The following NLGN4Y variants were observed in gnomAD, a reference collection of about 807,000 sequenced individuals.
NLGN4Y encodes the protein neuroligin 4 Y-linked.
NLGN4Y carries 4 observed loss-of-function variants against 8.4 expected under a neutral mutation model. The ratio of observed to expected loss-of-function variants is 0.48; its 90% CI spans 0.23 to 1.09. NLGN4Y has a LOEUF of 1.09. NLGN4Y is among the 50% of genes least tolerant of loss of function. NLGN4Y has a pLI of 0.19. For missense variants in NLGN4Y, 90 were observed against 192.3 expected, an observed-to-expected ratio of 0.47 and a Z score of 3.15; for synonymous variants, 35 against 75.6, an observed-to-expected ratio of 0.46 and a Z score of 2.78.
At chrY:14,564,383 A>T in intron 1 of NLGN4Y, among the ~76,000 whole-genome samples, 2 of 33,438 alleles carry the variant, frequency 6.0e-5, no homozygotes, top group South Asian at 6.7e-4. Context: ...CTAGCTTGAA[A>T]TTCTTGCTGC....
At chrY:14,777,366 C>A in intron 4 of NLGN4Y, among the ~76,000 whole-genome samples, 3 of 33,207 alleles carry the variant, frequency 9.0e-5, no homozygotes, top group Non-Finnish European at 1.5e-4. Flanking sequence ...TTTGCTTAAA[C>A]CTTGAGGTGT....
intron 2 of NLGN4Y, among the ~76,000 whole-genome samples, chrY:14,704,941 G>T: frequency 6.0e-5 from 2 of 33,279 alleles, no homozygotes; most frequent in Non-Finnish European, 1.5e-4. Flanking sequence ...TTTCTAGTTT[G>T]TTTGTGTAGA....
chrY:14,811,463 C>T (rs2043079810), intron 4 of NLGN4Y, among the ~76,000 whole-genome samples: 3 of 33,236 alleles, frequency 9.0e-5, no homozygotes, highest in Non-Finnish European at 1.5e-4. Flanking sequence ...TGTATGTATG[C>T]GCCAGCTACA....
chrY:14,745,672 G>T, intron 4 of NLGN4Y, among the ~76,000 whole-genome samples: 1 of 33,280 alleles, frequency 3.0e-5, no homozygotes, highest in Admixed American at 2.8e-4. Context: ...GGTAAAAATA[G>T]CATGAAAAGA....
chrY:14,639,964 C>T, intron 2 of NLGN4Y: 1 of 121,927 alleles, frequency 8.2e-6, no homozygotes, highest in South Asian at 4.1e-5. Flanking sequence ...TGGGCACAAC[C>T]GGAGCATGCC....
intron 1 of NLGN4Y, among the ~76,000 whole-genome samples, chrY:14,587,734 G>T (rs2080346238): frequency 3.1e-5 from 1 of 32,714 alleles, no homozygotes; most frequent in Non-Finnish European, 7.5e-5. Context: ...GTGACAATGT[G>T]GATGTTCCTT....
At position 14,697,507 on chromosome Y, in the gene NLGN4Y, T is replaced by C. The variant is rs559627738; in HGVS notation, c.473-21952T>C. 7.0e-4 allele frequency among the ~76,000 whole-genome samples: 20 copies of C among 28,727 alleles called. No individual in the cohort carries two copies. In the South Asian group the frequency reaches 0.016, roughly 23 times the overall value. The allele number at this position is 28,727 out of a possible 37,273, so 77.1% of individuals were successfully genotyped here. ...AGCAGATAGGTGATAGATAGATAGA[T>C]AGATAGATAGATAGATAGATAGATA... On this transcript the variant is annotated intron_variant, in intron 2 of 6. Transcript: ENST00000684976.
At chrY:14,558,085 A>G in intron 1 of NLGN4Y, among the ~76,000 whole-genome samples, 2 of 33,303 alleles carry the variant, frequency 6.0e-5, no homozygotes, top group Non-Finnish European at 1.5e-4. Flanking sequence ...GCTCTTCCCC[A>G]TTCACTACTC....
intron 4 of NLGN4Y, among the ~76,000 whole-genome samples, chrY:14,820,678 T>C: frequency 3.0e-5 from 1 of 32,819 alleles, no homozygotes; most frequent in South Asian, 6.9e-4. Context: ...GGACAGGGAG[T>C]TGTTTTTAGA....
chrY:14,673,266 T>C lies in NLGN4Y; in HGVS notation c.473-46193T>C, dbSNP rs1603502494. Among the ~76,000 whole-genome samples, 4 of 28,184 alleles carry C rather than the reference T, an allele frequency of 1.4e-4. No individual in the cohort carries two copies. In the South Asian group the frequency reaches 3.6e-3, roughly 25 times the overall value. The allele number at this position is 28,184 out of a possible 37,273, so 75.6% of individuals were successfully genotyped here. ...AACCTACAAAATGGGAGAAAATTTT[T>C]GCAACCTACTCATCTGACAAAGGGC... On this transcript the variant is annotated intron_variant, in intron 2 of 6. Transcript: ENST00000684976.
At chrY:14,760,713 G>C (rs2081077219) in intron 4 of NLGN4Y, among the ~76,000 whole-genome samples, 1 of 32,870 alleles carries the variant, frequency 3.0e-5, no homozygotes, top group Non-Finnish European at 7.4e-5. Context: ...GTAAACTATA[G>C]AGTAGTAAAT....
At chrY:14,826,902 G>A (rs2043149413) in intron 5 of NLGN4Y, among the ~76,000 whole-genome samples, 1 of 33,058 alleles carries the variant, frequency 3.0e-5, no homozygotes, top group African/African-American at 1.2e-4. Flanking sequence ...GGCAGAGAGA[G>A]ACCCTGTCTA....
At chrY:14,602,437 C>T in intron 1 of NLGN4Y, among the ~76,000 whole-genome samples, 2 of 33,096 alleles carry the variant, frequency 6.0e-5, no homozygotes, top group African/African-American at 2.4e-4. Context: ...TTCCTGTCTC[C>T]TACCTCGCAG....
At chrY:14,610,541 C>G (rs2080463264) in intron 1 of NLGN4Y, among the ~76,000 whole-genome samples, 1 of 32,937 alleles carries the variant, frequency 3.0e-5, no homozygotes, top group Non-Finnish European at 7.5e-5. Context: ...ATCCTGGGTT[C>G]GAATTTGATT....
At chrY:14,712,824 A>T in intron 2 of NLGN4Y, among the ~76,000 whole-genome samples, 1 of 33,836 alleles carries the variant, frequency 3.0e-5, no homozygotes, top group Admixed American at 2.7e-4. Context: ...GAATGGGCTT[A>T]TGAGCAAATA....
At chrY:14,833,808 C>T (rs2043188113) in intron 6 of NLGN4Y, among the ~76,000 whole-genome samples, 1 of 33,263 alleles carries the variant, frequency 3.0e-5, no homozygotes, top group Admixed American at 2.7e-4. Context: ...AGAAATCACC[C>T]GTCTTCTACA....
chrY:14,739,626 G>A (rs2081000991), intron 4 of NLGN4Y, among the ~76,000 whole-genome samples: 1 of 33,053 alleles, frequency 3.0e-5, no homozygotes, highest in Non-Finnish European at 7.5e-5. Context: ...AAGGACAGGT[G>A]GACACTTGAT....
intron 2 of NLGN4Y, among the ~76,000 whole-genome samples, chrY:14,663,320 G>T: frequency 3.0e-5 from 1 of 33,113 alleles, no homozygotes; most frequent in African/African-American, 1.2e-4. Context: ...ATTGTGAACA[G>T]AATTGCAACA....
At chrY:14,727,573 T>C in intron 4 of NLGN4Y, among the ~76,000 whole-genome samples, 1 of 33,473 alleles carries the variant, frequency 3.0e-5, no homozygotes. Context: ...TAGCAATATA[T>C]CCCACTTGCT....
Sources: allele counts gnomAD v4.1 joint callset (sites outside exome capture counted in the v4.1 genomes callset), GRCh38; gene constraint gnomAD v4.1.1; transcripts MANE v1.5; gene names NCBI Gene and HGNC (gene_info 2026-07-23, HGNC 2026-07-21).